Variants in TRNT1 observed in about 807,000 individuals in gnomAD.
The protein encoded by TRNT1 is CCA tRNA nucleotidyltransferase 1, mitochondrial.
In TRNT1, 44 loss-of-function variants were observed where a neutral mutation model predicts 45.6. That is an observed-to-expected ratio of 0.97 (90% CI 0.76 to 1.24). The LOEUF is 1.24. Ranked by LOEUF, TRNT1 falls within the 50% of genes most tolerant of loss-of-function variation. The pLI is 0.00. For missense variants in TRNT1, 633 were observed against 504.4 expected, an observed-to-expected ratio of 1.25 and a Z score of -2.44; for synonymous variants, 201 against 171.4, an observed-to-expected ratio of 1.17 and a Z score of -1.35.
chr3:3,150,189 A>G (rs989936088), downstream of TRNT1: 1 of 152,228 alleles, frequency 6.6e-6, no homozygotes, highest in East Asian at 1.9e-4. Flanking sequence ...AACAGTATAA[A>G]TGGGCTTATA....
rs142462951 is a variant in TRNT1 at position 3,133,617 on chromosome 3, A to G, written c.149-3643A>G. Among the ~76,000 whole-genome samples the G allele has an allele frequency of 5.1e-3, 777 of 152,134 alleles. 6 individuals are homozygous for G. Among genetic ancestry groups the G allele is most frequent in the African/African-American group, 0.018 (730 of 41,510 alleles). Reference sequence around the variant, plus strand: ...GAGATGAGGCTGAAGTTCCCAATGCAGACGATTTTTGCCTGAGCTAACAGC... The same window carrying G: ...GAGATGAGGCTGAAGTTCCCAATGCGGACGATTTTTGCCTGAGCTAACAGC... On this transcript the variant is annotated intron_variant, in intron 2 of 7. Coordinates refer to ENST00000251607, the MANE Select transcript of TRNT1 (RefSeq NM_182916.3).
At chr3:3,140,302 TAA>T (rs1705566603) in intron 3 of TRNT1, among the ~76,000 whole-genome samples, 1 of 152,354 alleles carries the variant, frequency 6.6e-6, no homozygotes, top group East Asian at 1.9e-4. Flanking sequence ...GGATTTTTTT[TAA>T]AAAAATCAGT....
At chr3:3,140,479 GACA>G (rs1705576341) in intron 3 of TRNT1, 28 bp from the exon 4 acceptor site, 1 of 1,599,020 alleles carries the variant, frequency 6.3e-7, no homozygotes, top group South Asian at 1.1e-5. Context: ...TAATTTAAAT[GACA>G]ACAAAAACCC....
At chr3:3,137,960 A>T (rs978773623) in intron 3 of TRNT1, among the ~76,000 whole-genome samples, 1 of 152,198 alleles carries the variant, frequency 6.6e-6, no homozygotes, top group African/African-American at 2.4e-5. Flanking sequence ...TTTCTTTTAC[A>T]TAAGCTTTCC....
At chr3:3,152,165 T>TTTA (rs397811853), downstream of TRNT1, among the ~76,000 whole-genome samples, 2 of 151,084 alleles carry the variant, frequency 1.3e-5, no homozygotes, top group South Asian at 2.1e-4. Context: ...TTTTTTTTTT[T>TTTA]AAATAGACAG....
intron 7 of TRNT1, 69 bp downstream of exon 7, chr3:3,147,772 CTA>C (rs1706148047): frequency 2.0e-6 from 3 of 1,529,480 alleles, no homozygotes; most frequent in Admixed American, 2.2e-5. Context: ...TTTATTAAAA[CTA>C]AGATCTACAA....
Position 3,140,536 on chromosome 3 carries a change from T to C in TRNT1, c.369T>C (p.Thr123=). Residue 123 remains threonine, a synonymous_variant, in exon 4 of 8, where the codon ACT becomes ACC. Coordinates refer to ENST00000251607, the MANE Select transcript of TRNT1 (RefSeq NM_182916.3). ...ARLHEENFEI[T]TLRIDVTTDG... ...TTCATGAAGAAAATTTTGAGATTAC[T>C]ACACTACGGATTGATGTCACCACTG... 3 of 1,614,114 alleles carry C rather than the reference T, an allele frequency of 1.9e-6. No homozygotes were observed. The highest frequency in any genetic ancestry group is 2.5e-6 in the Non-Finnish European group (3 of 1,179,998).
intron 3 of TRNT1, among the ~76,000 whole-genome samples, chr3:3,137,774 C>T (rs921911325): frequency 1.3e-5 from 2 of 152,190 alleles, no homozygotes; most frequent in African/African-American, 2.4e-5. Context: ...ACAACAAGCA[C>T]GTATAATTCT....
At chr3:3,139,473 A>ACACTTTATTCTCTACTCCTAAATG (rs1705514079) in intron 3 of TRNT1, among the ~76,000 whole-genome samples, 1 of 152,148 alleles carries the variant, frequency 6.6e-6, no homozygotes, top group African/African-American at 2.4e-5. Context: ...GGCACATAAA[A>ACACTTTATTCTCTACTCCTAAATG]CACTTTATTC....
chr3:3,128,944 T>G, intron 1 of TRNT1, 70 bp from the exon 2 acceptor site: 1 of 1,142,436 alleles, frequency 8.8e-7, no homozygotes, highest in Non-Finnish European at 1.2e-6. Context: ...TTGAAATGTG[T>G]CCCCCTTTGT....
Position 3,146,693 on chromosome 3 carries a change from A to T in TRNT1, c.802+70A>T, listed in dbSNP as rs554317865. 4 of 1,364,216 alleles carry T rather than the reference A, an allele frequency of 2.9e-6. No homozygotes were observed. The East Asian group carries it at 9.4e-5, about 32-fold the overall frequency. 84.5% of individuals were successfully genotyped at this position (1,364,216 alleles called of 1,614,324 possible). On this transcript the variant is annotated intron_variant, in intron 6 of 7. Coordinates refer to ENST00000251607, the MANE Select transcript of TRNT1 (RefSeq NM_182916.3). ...TCTGGTTTCAAATTTCATAAGGAAA[A>T]AATGTTTGACTCATTTGGTTGAAGA...
intron 5 of TRNT1, among the ~76,000 whole-genome samples, chr3:3,146,150 C>T (rs368521682): frequency 1.3e-5 from 2 of 150,560 alleles, no homozygotes; most frequent in South Asian, 2.1e-4. Flanking sequence ...TGTCTTGAGT[C>T]AGTAATTTGG....
chr3:3,143,102 TAC>T (rs1705759207), intron 4 of TRNT1, among the ~76,000 whole-genome samples: 2 of 152,340 alleles, frequency 1.3e-5, no homozygotes, highest in African/African-American at 4.8e-5. Context: ...TCTGTAATGC[TAC>T]AGAGTGAAGT....
At chr3:3,150,453 A>AGAT (rs1438222962), downstream of TRNT1, 1 of 185,360 alleles carries the variant, frequency 5.4e-6, no homozygotes, top group Non-Finnish European at 1.1e-5. Flanking sequence ...GCACTGGTAC[A>AGAT]GATACGCTGT....
intron 6 of TRNT1, 45 bp from the exon 7 acceptor site, chr3:3,147,405 T>C: frequency 6.2e-7 from 1 of 1,601,210 alleles, no homozygotes; most frequent in East Asian, 2.2e-5. Flanking sequence ...TGAGTGGTTT[T>C]TTATCCCCAC....
downstream of TRNT1, chr3:3,150,816 C>G (rs757149863): frequency 3.2e-6 from 5 of 1,563,244 alleles, no homozygotes; most frequent in Non-Finnish European, 4.4e-6. Flanking sequence ...CAAAGCAGAT[C>G]TTAGAATATA....
At chr3:3,150,335 T>A (rs1249429867), downstream of TRNT1, 1 of 152,306 alleles carries the variant, frequency 6.6e-6, no homozygotes, top group Non-Finnish European at 1.5e-5. Context: ...CTCAGAGAAG[T>A]TAAAGAAAAT....
Position 3,137,240 on chromosome 3 carries a change from C to T in TRNT1, c.149-20C>T. The T allele has an allele frequency of 6.5e-7, 1 of 1,549,718 alleles. No homozygotes were observed. The highest frequency in any genetic ancestry group is 2.3e-5 in the East Asian group (1 of 43,302). On this transcript the variant is annotated intron_variant, in intron 2 of 7. Coordinates refer to ENST00000251607, the MANE Select transcript of TRNT1 (RefSeq NM_182916.3). ...AAATAAAGAACTTGGGAATAAAAAT[C>T]TTATTTTCTCTCATCTCAGAATTAT...
chr3:3,141,326 A>T (rs1489280812), intron 4 of TRNT1, among the ~76,000 whole-genome samples: 5 of 150,604 alleles, frequency 3.3e-5, no homozygotes, highest in Admixed American at 3.3e-4. Flanking sequence ...ACATGTACAT[A>T]CTCCACACAC....
Sources: allele counts gnomAD v4.1 joint callset (sites outside exome capture counted in the v4.1 genomes callset), GRCh38; gene constraint gnomAD v4.1.1; transcripts MANE v1.5; gene names NCBI Gene and HGNC (gene_info 2026-07-23, HGNC 2026-07-21).